The following MORC2 variants were observed in gnomAD, a reference collection of about 807,000 sequenced individuals.
MORC2 encodes the protein ATPase MORC2.
In MORC2, 30 loss-of-function variants were observed where a neutral mutation model predicts 136.0. The ratio of observed to expected loss-of-function variants is 0.22; its 90% CI spans 0.17 to 0.30. MORC2 has a LOEUF of 0.30. Among genes scored for constraint, MORC2 ranks in the 10% least tolerant of loss-of-function variants. The probability of loss-of-function intolerance (pLI) is 1.00; values close to 1 mark genes in which losing one functional copy is unlikely to be tolerated. For missense variants in MORC2, 922 were observed against 1,333.1 expected, an observed-to-expected ratio of 0.69 and a Z score of 4.80; for synonymous variants, 439 against 487.0, an observed-to-expected ratio of 0.90 and a Z score of 1.30.
At chr22:30,964,273 C>T (rs994439789) in intron 1 of MORC2, among the ~76,000 whole-genome samples, 4 of 152,148 alleles carry the variant, frequency 2.6e-5, no homozygotes, top group Non-Finnish European at 5.9e-5. Flanking sequence ...AGGACAATCA[C>T]TTGAACCTGG....
At chr22:30,964,150 G>C (rs1444988784) in intron 1 of MORC2, among the ~76,000 whole-genome samples, 1 of 152,158 alleles carries the variant, frequency 6.6e-6, no homozygotes, top group Non-Finnish European at 1.5e-5. Flanking sequence ...GAGGTCAAGA[G>C]ATCAAGTCTA....
chr22:30,934,746 C>A lies in MORC2; in HGVS notation c.2193+35G>T. On this transcript the variant is annotated intron_variant, in intron 19 of 25. Coordinates refer to ENST00000397641, the MANE Select transcript of MORC2 (RefSeq NM_001303256.3). This position sits in a 1 kb window ranked among gnomAD's most constrained non-coding sequence, Gnocchi z 4.4. The stretch of plus-strand genomic sequence containing the variant: ...CAATTCCATTCCTACACTACTGACA[C>A]TGGGCTGGGGTATTAAAGAGGACAA... 1 of 1,605,414 alleles carries A rather than the reference C, an allele frequency of 6.2e-7. No homozygotes were observed. Among genetic ancestry groups the A allele is most frequent in the Non-Finnish European group, 8.5e-7 (1 of 1,174,208 alleles).
chr22:30,943,425 T>C (rs1447705151), intron 6 of MORC2, among the ~76,000 whole-genome samples: 1 of 152,208 alleles, frequency 6.6e-6, no homozygotes, highest in Non-Finnish European at 1.5e-5. Flanking sequence ...ACTGCATAAA[T>C]ATTTCAATAC....
chr22:30,933,554 A>G (rs1427778630), intron 20 of MORC2, 34 bp from the exon 21 acceptor site: 1 of 1,610,244 alleles, frequency 6.2e-7, no homozygotes, highest in Non-Finnish European at 8.5e-7. Flanking sequence ...AGGCATCCCC[A>G]GTGCCCCCCA....
At position 30,925,136 on chromosome 22, in the gene MORC2, A is replaced by G. The variant is rs914035738; in HGVS notation, c.*1667T>C. The G allele has an allele frequency of 1.7e-5, 6 of 353,852 alleles. No homozygotes were observed. Among genetic ancestry groups the G allele is most frequent in the African/African-American group, 1.3e-4 (6 of 46,742 alleles). 21.9% of individuals were successfully genotyped at this position (353,852 alleles called of 1,614,324 possible). On this transcript the variant is annotated 3_prime_UTR_variant, in exon 26 of 26. Coordinates refer to ENST00000397641, the MANE Select transcript of MORC2 (RefSeq NM_001303256.3). ...ACTAAGAAAACAGACTGAGTTCAGG[A>G]GTCTCACCAGTAGAACTTTATAGTA...
chr22:30,930,777 C>A (rs1017488647), intron 24 of MORC2, among the ~76,000 whole-genome samples: 24 of 152,140 alleles, frequency 1.6e-4, no homozygotes, highest in Admixed American at 1.4e-3. Context: ...ATAGAAAAAT[C>A]ATCCCACTTC....
intron 1 of MORC2, chr22:30,958,908 T>C (rs569647453): frequency 1.5e-4 from 68 of 464,298 alleles, no homozygotes; most frequent in African/African-American, 1.2e-3. Flanking sequence ...AAATGATTAT[T>C]CTTCCTATTT....
At chr22:30,957,869 A>C (rs1234178342) in intron 2 of MORC2, among the ~76,000 whole-genome samples, 1 of 152,254 alleles carries the variant, frequency 6.6e-6, no homozygotes, top group Non-Finnish European at 1.5e-5. Context: ...GGAAATTATC[A>C]GCGAGCACAT....
At chr22:30,966,624 A>G (rs1330306988) in intron 1 of MORC2, among the ~76,000 whole-genome samples, 2 of 152,102 alleles carry the variant, frequency 1.3e-5, no homozygotes, top group Non-Finnish European at 2.9e-5. Flanking sequence ...AAAAAAATAC[A>G]AAAATTAGCT....
intron 1 of MORC2, among the ~76,000 whole-genome samples, chr22:30,961,407 T>C (rs1471674698): frequency 6.6e-6 from 1 of 152,188 alleles, no homozygotes; most frequent in Non-Finnish European, 1.5e-5. Context: ...AACATTTGGT[T>C]TCAAACTTTC....
At chr22:30,940,123 A>G in intron 10 of MORC2, 82 bp from the exon 11 acceptor site, 2 of 1,368,270 alleles carry the variant, frequency 1.5e-6, no homozygotes. Context: ...AGTACTGGAC[A>G]CGAAGTGTGT....
intron 24 of MORC2, among the ~76,000 whole-genome samples, chr22:30,930,967 A>G (rs1405881698): frequency 6.6e-6 from 1 of 152,138 alleles, no homozygotes; most frequent in Non-Finnish European, 1.5e-5. Flanking sequence ...CTCCTAGTTA[A>G]TAGCTTTGTC....
intron 6 of MORC2, among the ~76,000 whole-genome samples, chr22:30,943,988 G>A (rs764095756): frequency 4.6e-5 from 7 of 152,078 alleles, no homozygotes; most frequent in African/African-American, 7.2e-5. Context: ...GGATGGTCTT[G>A]ACCACATGAT....
intron 1 of MORC2, among the ~76,000 whole-genome samples, chr22:30,966,251 C>A (rs1296744544): frequency 1.3e-5 from 2 of 152,206 alleles, no homozygotes; most frequent in African/African-American, 2.4e-5. Context: ...TCCAGACTTA[C>A]CATCATTCCA....
intron 12 of MORC2, among the ~76,000 whole-genome samples, chr22:30,939,094 G>A (rs2040702626): frequency 1.3e-5 from 2 of 152,288 alleles, no homozygotes; most frequent in Admixed American, 6.5e-5. Context: ...TCCAGACATG[G>A]AGGTGGGACA....
At position 30,967,900 on chromosome 22, in the gene MORC2, A is replaced by T. The variant is rs1348614762; in HGVS notation, c.-11T>A. On this transcript the variant is annotated 5_prime_UTR_variant, in exon 1 of 26. Transcript: ENST00000397641. ...ATTTGTGAAAGCCATGACTGCAATAAGGTCTCCAGCCCTTCACCCGCTAAC... is the reference window on the plus strand; with the variant it reads ...ATTTGTGAAAGCCATGACTGCAATATGGTCTCCAGCCCTTCACCCGCTAAC... The T allele has an allele frequency of 6.5e-7, 1 of 1,539,200 alleles. No homozygotes were observed. The highest frequency in any genetic ancestry group is 8.8e-7 in the Non-Finnish European group (1 of 1,136,204).
At position 30,932,842 on chromosome 22, in the gene MORC2, G is replaced by C. The variant is rs757399034; in HGVS notation, c.2522+47C>G. 1.2e-6 allele frequency: 2 copies of C among 1,613,674 alleles called. No homozygotes were observed. Among genetic ancestry groups the C allele is most frequent in the East Asian group, 4.5e-5 (2 of 44,872 alleles). On this transcript the variant is annotated intron_variant, in intron 22 of 25. Coordinates refer to ENST00000397641, the MANE Select transcript of MORC2 (RefSeq NM_001303256.3). The surrounding 1 kb of genome is among the most constrained non-coding windows in gnomAD (Gnocchi z 4.4). ...ATGGGCTGCTGGCAGGGAGGCCGGG[G>C]ATACCTCCTTCGAGGAACCACTGCT...
At chr22:30,962,734 T>A (rs1602515592) in intron 1 of MORC2, among the ~76,000 whole-genome samples, 1 of 152,156 alleles carries the variant, frequency 6.6e-6, no homozygotes, top group South Asian at 2.1e-4. Context: ...GCAGTACATA[T>A]CATAAAAGAA....
At position 30,941,130 on chromosome 22, in the gene MORC2, G is replaced by T. The variant is rs894274620; in HGVS notation, c.825-293C>A. On this transcript the variant is annotated intron_variant, in intron 9 of 25. Transcript: ENST00000397641. This position sits in a 1 kb window ranked among gnomAD's most constrained non-coding sequence, Gnocchi z 4.6. ...CAAGCCCACTGCTTTCCTATATAGT[G>T]TCTAAAGGCCCCTTGGCCCTAAAGC... Among the ~76,000 whole-genome samples, 1 of 152,134 alleles carries T rather than the reference G, an allele frequency of 6.6e-6. No homozygotes were observed. The highest frequency in any genetic ancestry group is 2.4e-5 in the African/African-American group (1 of 41,442).
Sources: allele counts gnomAD v4.1 joint callset (sites outside exome capture counted in the v4.1 genomes callset), GRCh38; gene constraint gnomAD v4.1.1; non-coding constraint Gnocchi (gnomAD v3.1); transcripts MANE v1.5; gene names NCBI Gene and HGNC (gene_info 2026-07-23, HGNC 2026-07-21).